Variants in CUX2 observed in about 807,000 individuals in gnomAD.
The protein encoded by CUX2 is homeobox protein cut-like 2.
In CUX2, 40 loss-of-function variants were observed where a neutral mutation model predicts 144.8. That is an observed-to-expected ratio of 0.28 (90% CI 0.21 to 0.36). The LOEUF (loss-of-function observed/expected upper bound fraction) is 0.36, where lower values mean the gene tolerates loss of function less well. Among genes scored for constraint, CUX2 ranks in the 10% least tolerant of loss-of-function variants. CUX2 has a pLI of 1.00. For missense variants in CUX2, 1,615 were observed against 1,994.0 expected, an observed-to-expected ratio of 0.81 and a Z score of 3.62; for synonymous variants, 827 against 875.6, an observed-to-expected ratio of 0.94 and a Z score of 0.98.
intron 1 of CUX2, among the ~76,000 whole-genome samples, chr12:111,155,460 C>G (rs2136142637): frequency 6.6e-6 from 1 of 152,320 alleles, no homozygotes; most frequent in East Asian, 1.9e-4. Flanking sequence ...ATTGCTGATG[C>G]CATCAAACAA....
chr12:111,342,159 A>C, intron 21 of CUX2, 106 bp downstream of exon 21: 1 of 1,318,384 alleles, frequency 7.6e-7, no homozygotes, highest in South Asian at 1.4e-5. Context: ...GGGAGATGGA[A>C]GACCCCATCA....
At position 111,102,234 on chromosome 12, in the gene CUX2, C is replaced by T. The variant is rs113084986; in HGVS notation, c.63+67994C>T. On this transcript the variant is annotated intron_variant, in intron 1 of 21. Coordinates refer to ENST00000261726, the MANE Select transcript of CUX2 (RefSeq NM_015267.4). ...AATGCTGTGCCTGTCTCTCCTCCAA[C>T]GGTCTGGTGAGGTGGGCAGGGACTC... Among the ~76,000 whole-genome samples, 1,208 of 152,294 alleles carry T rather than the reference C, an allele frequency of 7.9e-3. 18 individuals are homozygous for T. The highest frequency in any genetic ancestry group is 0.027 in the African/African-American group (1,142 of 41,558).
At chr12:111,102,864 CA>C (rs894187846) in intron 1 of CUX2, among the ~76,000 whole-genome samples, 6 of 149,958 alleles carry the variant, frequency 4.0e-5, no homozygotes, top group East Asian at 3.9e-4. Flanking sequence ...AGTAAGTGAT[CA>C]AAAAAAAAGC....
chr12:111,132,046 C>G (rs2136110355), intron 1 of CUX2, among the ~76,000 whole-genome samples: 1 of 152,358 alleles, frequency 6.6e-6, no homozygotes, highest in Middle Eastern at 3.4e-3. Context: ...CAAACGTTCT[C>G]CATGAGGGCC....
At chr12:111,098,598 G>A (rs1170835651) in intron 1 of CUX2, among the ~76,000 whole-genome samples, 2 of 152,182 alleles carry the variant, frequency 1.3e-5, no homozygotes, top group East Asian at 3.9e-4. Context: ...CTTGACGCTC[G>A]GGGACTGCGG....
intron 4 of CUX2, among the ~76,000 whole-genome samples, chr12:111,278,165 C>T (rs747942430): frequency 6.6e-5 from 10 of 152,170 alleles, no homozygotes; most frequent in Non-Finnish European, 1.0e-4. Context: ...ACCTGTAATC[C>T]CAGAACTTTG....
chr12:111,251,292 C>A (rs1883548625), intron 3 of CUX2, among the ~76,000 whole-genome samples: 1 of 152,008 alleles, frequency 6.6e-6, no homozygotes, highest in South Asian at 2.1e-4. Flanking sequence ...TACGTGGAGG[C>A]CTGGAAATTG....
chr12:111,320,838 C>A lies in CUX2; in HGVS notation c.2766+63C>A. ...GAGAAGATGTCGGAGAAGTAGGATG[C>A]CCACCCAAGCAGGCTGGCGGGACCC... On this transcript the variant is annotated intron_variant, in intron 17 of 21. Transcript: ENST00000261726. The surrounding 1 kb of genome is among the most constrained non-coding windows in gnomAD (Gnocchi z 8.1). 5.0e-6 allele frequency: 7 copies of A among 1,402,168 alleles called. No individual in the cohort carries two copies. Among genetic ancestry groups the A allele is most frequent in the Non-Finnish European group, 6.5e-6 (7 of 1,079,716 alleles). The allele number at this position is 1,402,168 out of a possible 1,614,324, so 86.9% of individuals were successfully genotyped here. A position where few individuals can be genotyped will look rare whatever the true frequency, so the allele number is the denominator to read the frequency against.
At chr12:111,258,512 CAAAAAAAA>C (rs895707620) in intron 3 of CUX2, among the ~76,000 whole-genome samples, 11 of 65,952 alleles carry the variant, frequency 1.7e-4, no homozygotes, top group Admixed American at 3.5e-4. Context: ...GACTCCATCT[CAAAAAAAA>C]AAAAAAAAAA....
rs1869333058 is a variant in CUX2, at chr12:111,034,728, G to C, written c.63+488G>C. 1.3e-5 allele frequency among the ~76,000 whole-genome samples: 2 copies of C among 150,490 alleles called. No homozygotes were observed. Among genetic ancestry groups the C allele is most frequent in the Non-Finnish European group, 3.0e-5 (2 of 67,272 alleles). ...TGGCGGGCAGGGAGGAGGAGGAGGA[G>C]AGGAGGAGGAGGAGGAGAGAGGAGG... On this transcript the variant is annotated intron_variant, in intron 1 of 21. Transcript: ENST00000261726. The surrounding 1 kb of genome is among the most constrained non-coding windows in gnomAD (Gnocchi z 4.2).
At chr12:111,321,856 A>G (rs1342416419) in intron 17 of CUX2, among the ~76,000 whole-genome samples, 1 of 152,038 alleles carries the variant, frequency 6.6e-6, no homozygotes, top group Non-Finnish European at 1.5e-5. Flanking sequence ...GGGAGAAATG[A>G]CTTAAGTGGG....
intron 1 of CUX2, among the ~76,000 whole-genome samples, chr12:111,195,510 T>C (rs534801918): frequency 2.0e-5 from 3 of 152,336 alleles, no homozygotes; most frequent in Admixed American, 6.5e-5. Context: ...AGAATGAAAT[T>C]GGTTCTTGCA....
At position 111,186,249 on chromosome 12, in the gene CUX2, TAGTC is replaced by T. The variant is rs931997841; in HGVS notation, c.64-27948_64-27945del. ...TGCCTTAGTTGTCACTGTGGATGCT[TAGTC>T]AGGTGACACTTATGGGGACCAGCTG... On this transcript the variant is annotated intron_variant, in intron 1 of 21. Transcript: ENST00000261726. The surrounding 1 kb of genome is among the most constrained non-coding windows in gnomAD (Gnocchi z 4.4). Among the ~76,000 whole-genome samples the T allele has an allele frequency of 3.3e-5, 5 of 152,128 alleles. No homozygotes were observed. The highest frequency in any genetic ancestry group is 7.2e-5 in the African/African-American group (3 of 41,422).
chr12:111,127,892 T>C (rs1168538150), intron 1 of CUX2, among the ~76,000 whole-genome samples: 1 of 152,204 alleles, frequency 6.6e-6, no homozygotes, highest in East Asian at 1.9e-4. Flanking sequence ...CATCAGGTCT[T>C]GTGAGACTTA....
Position 111,334,419 on chromosome 12 carries a change from T to C in CUX2, c.2927-22T>C, listed in dbSNP as rs1888249671. 9 of 1,552,976 alleles carry C rather than the reference T, an allele frequency of 5.8e-6. No individual in the cohort carries two copies. In the East Asian group the frequency reaches 2.0e-4, roughly 35 times the overall value. On this transcript the variant is annotated intron_variant, in intron 18 of 21. Transcript: ENST00000261726. ...CTGTGCCAGATTATAGTAACCACCTTCTCTTTCTCTGTGGCCCACAGCCAG... is the reference window on the plus strand; with the variant it reads ...CTGTGCCAGATTATAGTAACCACCTCCTCTTTCTCTGTGGCCCACAGCCAG...
intron 1 of CUX2, among the ~76,000 whole-genome samples, chr12:111,131,883 C>T (rs1048354762): frequency 1.3e-5 from 2 of 152,218 alleles, no homozygotes; most frequent in African/African-American, 2.4e-5. Flanking sequence ...GTATCTACAG[C>T]TCTTCCAGGC....
intron 1 of CUX2, among the ~76,000 whole-genome samples, chr12:111,067,594 C>T (rs922792005): frequency 2.0e-5 from 3 of 152,186 alleles, no homozygotes; most frequent in Non-Finnish European, 4.4e-5. Flanking sequence ...ATCAGAAACA[C>T]CCCCAAAACA....
intron 4 of CUX2, among the ~76,000 whole-genome samples, chr12:111,275,219 C>T (rs919855925): frequency 1.3e-5 from 2 of 152,176 alleles, no homozygotes; most frequent in Non-Finnish European, 2.9e-5. Flanking sequence ...CACGGTGTCC[C>T]CCATCCCTGC....
chr12:111,103,437 T>C (rs1436297272), intron 1 of CUX2, among the ~76,000 whole-genome samples: 2 of 152,146 alleles, frequency 1.3e-5, no homozygotes, highest in South Asian at 2.1e-4. Context: ...GACCAGGGAA[T>C]GGGTTAGAGG....
Sources: allele counts gnomAD v4.1 joint callset (sites outside exome capture counted in the v4.1 genomes callset), GRCh38; gene constraint gnomAD v4.1.1; non-coding constraint Gnocchi (gnomAD v3.1); transcripts MANE v1.5; gene names NCBI Gene and HGNC (gene_info 2026-07-23, HGNC 2026-07-21).